The following CCDC112 variants were observed in gnomAD, a reference collection of about 807,000 sequenced individuals.
CCDC112 encodes the protein coiled-coil domain containing 112, also known as coiled-coil domain-containing protein 112.
CCDC112 carries 40 observed loss-of-function variants against 66.3 expected under a neutral mutation model. The observed-to-expected ratio is 0.60, with a 90% confidence interval of 0.47 to 0.79. The LOEUF (loss-of-function observed/expected upper bound fraction) is 0.79, where lower values mean the gene tolerates loss of function less well. Ranked by LOEUF, CCDC112 falls within the 30% of genes least tolerant of loss-of-function variation. CCDC112 has a pLI of 0.00. For missense variants in CCDC112, 659 were observed against 603.8 expected (o/e 1.09, Z -0.96); for synonymous variants, 214 against 197.2 (o/e 1.09, Z -0.71).
intron 6 of CCDC112, 91 bp downstream of exon 6, chr5:115,275,125 T>C (rs1237115554): frequency 1.4e-5 from 13 of 944,988 alleles, no homozygotes; most frequent in Non-Finnish European, 1.9e-5. Context: ...CTTCATGGGA[T>C]TGCTGTAAAG....
chr5:115,276,737 C>T (rs967891011), intron 4 of CCDC112, among the ~76,000 whole-genome samples: 5 of 152,096 alleles, frequency 3.3e-5, no homozygotes, highest in Non-Finnish European at 5.9e-5. Context: ...AATACTTTAA[C>T]GGATACACAC....
intron 6 of CCDC112, among the ~76,000 whole-genome samples, chr5:115,274,375 T>C (rs984852687): frequency 6.6e-6 from 1 of 152,190 alleles, no homozygotes; most frequent in Non-Finnish European, 1.5e-5. Context: ...TTTGTAAAAA[T>C]GGACCTTTTT....
chr5:115,274,428 G>A (rs1749120238), intron 6 of CCDC112, among the ~76,000 whole-genome samples: 1 of 152,034 alleles, frequency 6.6e-6, no homozygotes, highest in East Asian at 1.9e-4. Context: ...TTCTGGGGTA[G>A]CTAACATTTT....
At chr5:115,270,764 C>T (rs1415497955) in intron 7 of CCDC112, among the ~76,000 whole-genome samples, 1 of 152,178 alleles carries the variant, frequency 6.6e-6, no homozygotes, top group Admixed American at 6.5e-5. Context: ...GTTCCCCTCT[C>T]CTGCTTAATG....
intron 1 of CCDC112, among the ~76,000 whole-genome samples, chr5:115,294,463 G>A (rs539496702): frequency 1.4e-4 from 22 of 152,306 alleles, no homozygotes; most frequent in African/African-American, 5.3e-4. Flanking sequence ...AGGAAAAGAG[G>A]CCTCACCAGA....
At chr5:115,271,732 C>T (rs1561493555) in intron 6 of CCDC112, 106 bp from the exon 7 acceptor site, 2 of 741,558 alleles carry the variant, frequency 2.7e-6, no homozygotes, top group Non-Finnish European at 4.0e-6. Flanking sequence ...ATATTGATTG[C>T]AGAATGCTGG....
chr5:115,275,899 T>C, intron 5 of CCDC112, 95 bp downstream of exon 5: 1 of 854,162 alleles, frequency 1.2e-6, no homozygotes, highest in East Asian at 2.7e-5. Context: ...CTCAAATACA[T>C]AATAACAGAA....
rs1561493168 is a variant in CCDC112, at chr5:115,271,172, G to T, written c.1332+41C>A. 3.9e-6 allele frequency: 6 copies of T among 1,523,420 alleles called. No individual in the cohort carries two copies. The Middle Eastern group carries it at 5.3e-4, about 135-fold the overall frequency. The allele number at this position is 1,523,420 out of a possible 1,614,324, so 94.4% of individuals were successfully genotyped here. ...CTGAATTTGGAAGTAATACCTCCATGTGTAGCATTTAAAAATTATTTAGGA... is the reference window on the plus strand; with the variant it reads ...CTGAATTTGGAAGTAATACCTCCATTTGTAGCATTTAAAAATTATTTAGGA... On this transcript the variant is annotated intron_variant, in intron 7 of 9. Transcript: ENST00000379611.
intron 1 of CCDC112, among the ~76,000 whole-genome samples, chr5:115,288,088 C>T (rs1749759517): frequency 1.3e-5 from 2 of 151,828 alleles, no homozygotes; most frequent in South Asian, 4.2e-4. Flanking sequence ...TCAAGCAATT[C>T]TCCTGCCTCA....
chr5:115,273,646 C>A (rs986659334), intron 6 of CCDC112, among the ~76,000 whole-genome samples: 5 of 152,166 alleles, frequency 3.3e-5, no homozygotes, highest in Non-Finnish European at 7.4e-5. Context: ...TCACAAGAAG[C>A]AGTGTGTCTG....
In CCDC112 at chr5:115,269,806, A is replaced by G; in HGVS notation, c.1333-8T>C. 6.6e-7 allele frequency: 1 copy of G among 1,513,860 alleles called. No individual in the cohort carries two copies. Among genetic ancestry groups the G allele is most frequent in the South Asian group, 1.3e-5 (1 of 79,876 alleles). 93.8% of individuals were successfully genotyped at this position (1,513,860 alleles called of 1,614,324 possible). On this transcript the variant is annotated splice_polypyrimidine_tract_variant and splice_region_variant and intron_variant, in intron 7 of 9. Transcript: ENST00000379611. ...TTCAAGTTTATGTAAATCCTTAAAAAAAAAAACCCATAGCATTAAGAAAGC... is the reference window on the plus strand; with the variant it reads ...TTCAAGTTTATGTAAATCCTTAAAAGAAAAAACCCATAGCATTAAGAAAGC...
At chr5:115,282,659 T>C (rs760043970) in intron 2 of CCDC112, among the ~76,000 whole-genome samples, 14 of 152,126 alleles carry the variant, frequency 9.2e-5, no homozygotes, top group Non-Finnish European at 1.6e-4. Flanking sequence ...TATATTTCTT[T>C]ATAAACACAT....
chr5:115,286,868 C>T (rs1217209002), intron 1 of CCDC112, among the ~76,000 whole-genome samples: 1 of 152,098 alleles, frequency 6.6e-6, no homozygotes, highest in Non-Finnish European at 1.5e-5. Flanking sequence ...TAAGCCATAA[C>T]CACACAACTG....
chr5:115,277,877 C>A (rs1472791645), intron 3 of CCDC112, among the ~76,000 whole-genome samples: 1 of 151,930 alleles, frequency 6.6e-6, no homozygotes, highest in African/African-American at 2.4e-5. Flanking sequence ...ATTTTATGCA[C>A]CCTCCTCTTT....
intron 4 of CCDC112, 105 bp downstream of exon 4, chr5:115,276,860 A>G (rs900956947): frequency 6.1e-6 from 4 of 656,928 alleles, no homozygotes; most frequent in Non-Finnish European, 7.8e-6. Context: ...GTTTAGCTCC[A>G]TTAATAAACT....
Position 115,283,389 on chromosome 5 carries a change from T to C in CCDC112, c.239+1398A>G, listed in dbSNP as rs1451840112. Among the ~76,000 whole-genome samples, 4 of 152,242 alleles carry C rather than the reference T, an allele frequency of 2.6e-5. No individual in the cohort carries two copies. The East Asian group carries it at 7.7e-4, about 29-fold the overall frequency. On this transcript the variant is annotated intron_variant, in intron 2 of 9. Coordinates refer to ENST00000379611, the MANE Select transcript of CCDC112 (RefSeq NM_001040440.3). Reference sequence around the variant, plus strand: ...TAAATGAGATCATGCATTGTCTGTCTTTCTGTGTATGGCTTATTTCACTTA... The same window carrying C: ...TAAATGAGATCATGCATTGTCTGTCCTTCTGTGTATGGCTTATTTCACTTA...
Position 115,275,394 on chromosome 5 carries a change from T to C in CCDC112, c.740A>G (p.Gln247Arg). ...EKFLQQTGGR[Q>R]GAWDDYDHQN... is the part of the protein sequence containing the mutation. ...GTGATCATAATCATCCCAGGCACCT[T>C]GTCGCCCTCCTGTTTGCTGAAGGAA... Residue 247 changes from glutamine to arginine, a missense_variant, in exon 6 of 10, where the codon CAA becomes CGA. Coordinates refer to ENST00000379611, the MANE Select transcript of CCDC112 (RefSeq NM_001040440.3). 1 of 1,614,104 alleles carries C rather than the reference T, an allele frequency of 6.2e-7. No homozygotes were observed. Among genetic ancestry groups the C allele is most frequent in the South Asian group, 1.1e-5 (1 of 91,076 alleles).
intron 2 of CCDC112, among the ~76,000 whole-genome samples, chr5:115,284,455 T>C (rs1041687323): frequency 3.9e-5 from 6 of 152,194 alleles, no homozygotes; most frequent in African/African-American, 1.4e-4. Flanking sequence ...CTCAAAAACA[T>C]TTACCAGGCA....
Position 115,267,716 on chromosome 5 carries a change from T to C in CCDC112, c.*160A>G, listed in dbSNP as rs552614456. 26 of 660,744 alleles carry C rather than the reference T, an allele frequency of 3.9e-5. No homozygotes were observed. In the African/African-American group the frequency reaches 4.2e-4, roughly 11 times the overall value. The allele number at this position is 660,744 out of a possible 1,614,324, so 40.9% of individuals were successfully genotyped here. On this transcript the variant is annotated 3_prime_UTR_variant, in exon 10 of 10. Coordinates refer to ENST00000379611, the MANE Select transcript of CCDC112 (RefSeq NM_001040440.3). Reference sequence around the variant, plus strand: ...TTCTTGGTAGAAGCAGGAATACTAATGACAAAGCCTCATGAAACTTAATAC... The same window carrying C: ...TTCTTGGTAGAAGCAGGAATACTAACGACAAAGCCTCATGAAACTTAATAC...
Sources: gnomAD v4.1 joint callset for allele counts (sites outside exome capture counted in the v4.1 genomes callset) on GRCh38, gnomAD v4.1.1 for gene constraint, MANE v1.5 for transcripts, NCBI Gene and HGNC (gene_info 2026-07-23, HGNC 2026-07-21) for gene names.